SEMA5A: variants seen among roughly 807,000 people sequenced by gnomAD.
SEMA5A encodes semaphorin 5A, also known as semaphorin-5A.
Under a neutral mutation model 135.5 loss-of-function variants are expected in SEMA5A, and 55 were observed. That is an observed-to-expected ratio of 0.41 (90% CI 0.33 to 0.51). The LOEUF (loss-of-function observed/expected upper bound fraction) is 0.51, where lower values mean the gene tolerates loss of function less well. Among genes scored for constraint, SEMA5A ranks in the 20% least tolerant of loss-of-function variants. The pLI, the probability that SEMA5A is intolerant of heterozygous loss-of-function variation, is 0.37. For synonymous variants in SEMA5A, 580 were observed against 546.5 expected (o/e 1.06, Z -0.85); for missense variants, 1,290 against 1,419.9 (o/e 0.91, Z 1.47).
intron 2 of SEMA5A, among the ~76,000 whole-genome samples, chr5:9,434,761 T>C (rs1433171766): frequency 6.6e-6 from 1 of 152,204 alleles, no homozygotes; most frequent in Non-Finnish European, 1.5e-5. Context: ...TGAAGCACAC[T>C]TTGCCATGGC....
intron 14 of SEMA5A, among the ~76,000 whole-genome samples, chr5:9,120,144 G>A (rs537166648): frequency 1.3e-5 from 2 of 151,598 alleles, no homozygotes; most frequent in Non-Finnish European, 2.9e-5. Context: ...CCACATAGAC[G>A]GTCTACTTCA....
At chr5:9,244,913 C>T (rs780655330) in intron 5 of SEMA5A, among the ~76,000 whole-genome samples, 5 of 152,168 alleles carry the variant, frequency 3.3e-5, no homozygotes, top group Non-Finnish European at 5.9e-5. Context: ...TGAATGCATC[C>T]GCTCTGGGAA....
intron 6 of SEMA5A, among the ~76,000 whole-genome samples, chr5:9,234,524 A>G (rs547326778): frequency 1.3e-5 from 2 of 152,326 alleles, no homozygotes; most frequent in South Asian, 4.1e-4. Flanking sequence ...GGAATTTCCA[A>G]TGCACACAGC....
intron 16 of SEMA5A, among the ~76,000 whole-genome samples, chr5:9,091,376 TG>T (rs1329087359): frequency 6.6e-6 from 1 of 152,148 alleles, no homozygotes. Flanking sequence ...GGGGTACATC[TG>T]AGAAAAACAG....
intron 5 of SEMA5A, among the ~76,000 whole-genome samples, chr5:9,299,530 G>A (rs1751503794): frequency 6.6e-6 from 1 of 152,158 alleles, no homozygotes; most frequent in South Asian, 2.1e-4. Flanking sequence ...AATCTTGGGT[G>A]GGGTGCTGAC....
At chr5:9,331,373 T>C (rs1753124697) in intron 4 of SEMA5A, among the ~76,000 whole-genome samples, 1 of 152,222 alleles carries the variant, frequency 6.6e-6, no homozygotes, top group South Asian at 2.1e-4. Context: ...CCGTTTATTT[T>C]ATGCGTCTCA....
At chr5:9,270,849 A>C (rs1749936990) in intron 5 of SEMA5A, among the ~76,000 whole-genome samples, 1 of 152,172 alleles carries the variant, frequency 6.6e-6, no homozygotes, top group South Asian at 2.1e-4. Context: ...TCCAATGTAC[A>C]TCAGAGTAGC....
At chr5:9,239,459 C>T (rs1396956011) in intron 5 of SEMA5A, among the ~76,000 whole-genome samples, 1 of 152,120 alleles carries the variant, frequency 6.6e-6, no homozygotes, top group African/African-American at 2.4e-5. Flanking sequence ...ACTATATCCC[C>T]ATGAAGTACA....
At chr5:9,325,566 A>G (rs1752833274) in intron 4 of SEMA5A, among the ~76,000 whole-genome samples, 1 of 152,130 alleles carries the variant, frequency 6.6e-6, no homozygotes, top group Admixed American at 6.5e-5. Context: ...AAGCATAACA[A>G]TATATTCTCG....
At chr5:9,054,954 A>C (rs376767529) in intron 18 of SEMA5A, among the ~76,000 whole-genome samples, 9 of 152,180 alleles carry the variant, frequency 5.9e-5, no homozygotes, top group African/African-American at 1.9e-4. Flanking sequence ...ACAATGTGAA[A>C]GTTAGGCCGA....
chr5:9,162,562 GTGTATATA>G (rs1218702657), intron 11 of SEMA5A, among the ~76,000 whole-genome samples: 2 of 63,204 alleles, frequency 3.2e-5, no homozygotes, highest in African/African-American at 1.1e-4. Context: ...GTGTGTGTGT[GTGTATATA>G]TATATATATA....
chr5:9,091,898 CA>C (rs1169121548), intron 16 of SEMA5A, among the ~76,000 whole-genome samples: 1 of 152,160 alleles, frequency 6.6e-6, no homozygotes, highest in African/African-American at 2.4e-5. Flanking sequence ...AGTAACCACC[CA>C]AGAAAACCCA....
chr5:9,381,626 G>C (rs1429451987), intron 2 of SEMA5A, among the ~76,000 whole-genome samples: 1 of 152,154 alleles, frequency 6.6e-6, no homozygotes, highest in Non-Finnish European at 1.5e-5. Flanking sequence ...AACACATTTA[G>C]GTGCTATAGT....
At chr5:9,065,973 G>T (rs1054860060) in intron 17 of SEMA5A, among the ~76,000 whole-genome samples, 1 of 152,198 alleles carries the variant, frequency 6.6e-6, no homozygotes, top group African/African-American at 2.4e-5. Flanking sequence ...TACACAATGT[G>T]CTTTTTAAAA....
intron 2 of SEMA5A, among the ~76,000 whole-genome samples, chr5:9,419,914 C>T (rs1395858814): frequency 2.6e-5 from 4 of 152,144 alleles, no homozygotes; most frequent in African/African-American, 9.7e-5. Context: ...AAAGTTATGT[C>T]TAGAGTAGAT....
chr5:9,532,037 G>A (rs1028693078), intron 1 of SEMA5A, among the ~76,000 whole-genome samples: 1 of 152,146 alleles, frequency 6.6e-6, no homozygotes, highest in African/African-American at 2.4e-5. Flanking sequence ...GAAATCTATG[G>A]AATGTTTTTA....
At chr5:9,422,253 G>A (rs1230258749) in intron 2 of SEMA5A, 1 of 152,198 alleles carries the variant, frequency 6.6e-6, no homozygotes, top group Admixed American at 6.5e-5. Context: ...CAATGCAGAT[G>A]TTATAGGGTG....
At chr5:9,184,655 C>T (rs1744710752) in intron 11 of SEMA5A, among the ~76,000 whole-genome samples, 1 of 152,190 alleles carries the variant, frequency 6.6e-6, no homozygotes, top group African/African-American at 2.4e-5. Context: ...AGTAGAATAG[C>T]ACGTCATTTT....
Position 9,154,552 on chromosome 5 carries a change from C to T in SEMA5A, c.1417G>A (p.Val473Met), listed in dbSNP as rs771230983. 11 of 1,613,102 alleles carry T rather than the reference C, an allele frequency of 6.8e-6. No homozygotes were observed. Among genetic ancestry groups the T allele is most frequent in the East Asian group, 2.2e-5 (1 of 44,842 alleles). ...TTGACCACGTGCTCCCGCAGGCCCA[C>T]GAACAGGACACTCTGGCTGTGCAGG... ...QILHSQSVLFVGLREHVVKIP... is the reference protein window; with the variant it reads ...QILHSQSVLFMGLREHVVKIP... Residue 473 changes from valine to methionine, a missense_variant, in exon 12 of 23, where the codon GTG becomes ATG. By Grantham distance (21) the Val-to-Met change is conservative (BLOSUM62 1). Coordinates refer to ENST00000382496, the MANE Select transcript of SEMA5A (RefSeq NM_003966.3).
Sources: gnomAD v4.1 joint callset for allele counts (sites outside exome capture counted in the v4.1 genomes callset) on GRCh38, gnomAD v4.1.1 for gene constraint, MANE v1.5 for transcripts, NCBI Gene and HGNC (gene_info 2026-07-23, HGNC 2026-07-21) for gene names.